Variants in PRKDC observed in about 807,000 individuals in gnomAD.
PRKDC encodes DNA-dependent protein kinase catalytic subunit.
A neutral mutation model predicts 486.9 loss-of-function variants in PRKDC; 82 were observed. That is an observed-to-expected ratio of 0.17 (90% CI 0.14 to 0.20). The LOEUF is 0.20. Ranked by LOEUF, PRKDC falls within the 10% of genes least tolerant of loss-of-function variation. The pLI, the probability that PRKDC is intolerant of heterozygous loss-of-function variation, is 1.00. For missense variants in PRKDC, 4,504 were observed against 5,038.2 expected (o/e 0.89, Z 3.21); for synonymous variants, 1,895 against 1,837.0 (o/e 1.03, Z -0.81).
intron 40 of PRKDC, among the ~76,000 whole-genome samples, chr8:47,871,282 C>G (rs996345514): frequency 1.1e-4 from 17 of 152,080 alleles, no homozygotes; most frequent in Non-Finnish European, 2.4e-4. Context: ...TACCTCAAGG[C>G]ATTTAACAAG....
intron 22 of PRKDC, among the ~76,000 whole-genome samples, chr8:47,917,173 T>C (rs1001004884): frequency 2.0e-5 from 3 of 152,140 alleles, no homozygotes; most frequent in African/African-American, 7.2e-5. Context: ...GAGGATCACT[T>C]GAGCCTGGGA....
In PRKDC at chr8:47,859,650, G is replaced by A; in HGVS notation, c.6168C>T (p.Ser2056=). 6.2e-7 allele frequency: 1 copy of A among 1,613,886 alleles called. No homozygotes were observed. The highest frequency in any genetic ancestry group is 8.5e-7 in the Non-Finnish European group (1 of 1,179,840). The change falls in exon 46 of 86, where the codon TCC becomes TCT. Residue 2056 remains serine (S), a synonymous_variant. Coordinates refer to ENST00000314191, the MANE Select transcript of PRKDC (RefSeq NM_006904.7). ...STGVQSYSYS[S]QDPRPATGRF... ...GACCAGTGGCAGGTCTAGGGTCTTGGGAGCTGTATGAATAGCTCTGAACTC... is the reference window on the plus strand; with the variant it reads ...GACCAGTGGCAGGTCTAGGGTCTTGAGAGCTGTATGAATAGCTCTGAACTC...
At chr8:47,918,473 A>T (rs1384390322) in intron 21 of PRKDC, 90 bp from the exon 22 acceptor site, 3 of 679,368 alleles carry the variant, frequency 4.4e-6, no homozygotes, top group East Asian at 3.2e-5. Context: ...TGTCAAATAG[A>T]AACATTAAAA....
intron 65 of PRKDC, 42 bp downstream of exon 65, chr8:47,821,562 T>G: frequency 1.3e-6 from 2 of 1,530,144 alleles, no homozygotes; most frequent in South Asian, 1.2e-5. Context: ...AAAACACCTA[T>G]CTAAAATAAT....
chr8:47,846,744 A>G (rs566475164), intron 54 of PRKDC, among the ~76,000 whole-genome samples: 16 of 152,326 alleles, frequency 1.1e-4, no homozygotes, highest in Admixed American at 3.3e-4. Context: ...ATGATTCTAT[A>G]CCCAGAAAAC....
rs1160862005 is a variant in PRKDC at position 47,826,701 on chromosome 8, T to A, written c.8738A>T (p.Lys2913Met). The change falls in exon 63 of 86, where the codon AAG becomes ATG. Residue 2913 changes from lysine (K) to methionine (M), a missense_variant. By Grantham distance (95) the Lys-to-Met change is moderately conservative. Coordinates refer to ENST00000314191, the MANE Select transcript of PRKDC (RefSeq NM_006904.7). ...AELPAKRVRGKARLPPDVLRW... is the reference protein window; with the variant it reads ...AELPAKRVRGMARLPPDVLRW... Reference sequence around the variant, plus strand: ...GAGGACATCAGGAGGGAGGCGGGCCTTCCCACGGACTCGCTTGGCAGGCAG... The same window carrying A: ...GAGGACATCAGGAGGGAGGCGGGCCATCCCACGGACTCGCTTGGCAGGCAG... 1 of 1,613,134 alleles carries A rather than the reference T, an allele frequency of 6.2e-7. No individual in the cohort carries two copies. The highest frequency in any genetic ancestry group is 1.3e-5 in the African/African-American group (1 of 74,938).
chr8:47,903,881 G>GCT (rs1216365611), intron 26 of PRKDC, among the ~76,000 whole-genome samples: 1 of 152,124 alleles, frequency 6.6e-6, no homozygotes, highest in Non-Finnish European at 1.5e-5. Context: ...AGGATTCACT[G>GCT]GTAGACACTG....
Position 47,912,532 on chromosome 8 carries a change from C to A in PRKDC, c.2812G>T (p.Val938Phe). ...GTGGCTTTGCCCAACATAAACATAA[C>A]CATGCTATGTAAAAGTTCACAGGCT... ...VAACELLHSM[V>F]MFMLGKATQM... The change falls in exon 25 of 86, where the codon GTT becomes TTT. Residue 938 changes from valine to phenylalanine, a missense_variant. By Grantham distance (50) the Val-to-Phe change is conservative. Around this residue, in one of 6 missense-constraint regions of PRKDC, gnomAD observed 1,969 missense variants for 2,068.9 expected, o/e 0.95. Transcript: ENST00000314191. 2 of 1,612,676 alleles carry A rather than the reference C, an allele frequency of 1.2e-6. No individual in the cohort carries two copies. Among genetic ancestry groups the A allele is most frequent in the Non-Finnish European group, 1.7e-6 (2 of 1,179,196 alleles).
At chr8:47,898,096 T>C (rs998629792) in intron 29 of PRKDC, among the ~76,000 whole-genome samples, 1 of 152,266 alleles carries the variant, frequency 6.6e-6, no homozygotes, top group South Asian at 2.1e-4. Flanking sequence ...AATGTTACTA[T>C]TTGAACATTC....
In PRKDC at chr8:47,902,588, T is replaced by A; in HGVS notation, c.3250A>T (p.Asn1084Tyr). ...ACAAACCTGAATTCCCTGTAGATAT[T>A]ATTAAAGGCAAGTGATGCTCCCAGC... The part of the protein sequence containing the change: ...KRLGASLAFN[N>Y]IYREFREEES... Residue 1084 changes from asparagine (N) to tyrosine (Y), a missense_variant, in exon 27 of 86, where the codon AAT (asparagine) becomes TAT (tyrosine). Transcript: ENST00000314191. 6.3e-7 allele frequency: 1 copy of A among 1,589,156 alleles called. No homozygotes were observed. The highest frequency in any genetic ancestry group is 8.5e-7 in the Non-Finnish European group (1 of 1,169,840).
chr8:47,933,219 G>A (rs545513052), intron 15 of PRKDC, 47 bp from the exon 16 acceptor site: 3 of 1,382,174 alleles, frequency 2.2e-6, no homozygotes, highest in East Asian at 2.7e-5. Context: ...GTGCAAAAAT[G>A]TATTAGTATT....
At chr8:47,889,336 G>T (rs2089406654) in intron 32 of PRKDC, 114 bp from the exon 33 acceptor site, 2 of 862,014 alleles carry the variant, frequency 2.3e-6, no homozygotes, top group East Asian at 5.3e-5. Context: ...GGTGGGCAGA[G>T]TTTCTCTGTA....
Position 47,834,207 on chromosome 8 carries a change from T to A in PRKDC, c.8141A>T (p.Asn2714Ile). The A allele has an allele frequency of 6.2e-7, 1 of 1,614,066 alleles. No homozygotes were observed. The highest frequency in any genetic ancestry group is 1.1e-5 in the South Asian group (1 of 91,088). ...RLGLPGDEVD[N>I]KVKGAAGRTD... ...GCAACCCAGCTTACCTTTCACTTTGTTATCCACCTCGTCCCCTGGAAGGCC... is the reference window on the plus strand; with the variant it reads ...GCAACCCAGCTTACCTTTCACTTTGATATCCACCTCGTCCCCTGGAAGGCC... The change falls in exon 59 of 86, where the codon AAC becomes ATC. Residue 2714 changes from asparagine to isoleucine, a missense_variant. This residue lies in a region of PRKDC where 1,592 missense variants were observed against 1,724.6 expected (regional missense o/e 0.92). Transcript: ENST00000314191.
At chr8:47,876,117 A>G (rs1410819175) in intron 40 of PRKDC, among the ~76,000 whole-genome samples, 1 of 152,214 alleles carries the variant, frequency 6.6e-6, no homozygotes, top group Non-Finnish European at 1.5e-5. Context: ...ATGGCAGTCA[A>G]CTGTAAATGG....
chr8:47,844,767 C>T (rs1487064713), intron 54 of PRKDC, among the ~76,000 whole-genome samples: 1 of 152,106 alleles, frequency 6.6e-6, no homozygotes, highest in African/African-American at 2.4e-5. Context: ...AAAAATTAAA[C>T]AACCTACTCC....
intron 20 of PRKDC, 55 bp from the exon 21 acceptor site, chr8:47,927,408 G>T: frequency 6.6e-7 from 1 of 1,524,020 alleles, no homozygotes; most frequent in Admixed American, 2.2e-5. Context: ...AAGATTTAGA[G>T]GAAAAAAACA....
intron 41 of PRKDC, among the ~76,000 whole-genome samples, chr8:47,864,302 G>A (rs2088751685): frequency 6.6e-6 from 1 of 152,174 alleles, no homozygotes; most frequent in African/African-American, 2.4e-5. Flanking sequence ...GCGTGGCCCT[G>A]ACAACACTGT....
At chr8:47,959,834 C>T in intron 1 of PRKDC, 139 bp downstream of exon 1, 1 of 1,398,482 alleles carries the variant, frequency 7.2e-7, no homozygotes, top group South Asian at 1.5e-5. Flanking sequence ...TATACACATA[C>T]ACAGAAATTC....
chr8:47,895,768 T>C (rs1589773546), intron 30 of PRKDC, among the ~76,000 whole-genome samples: 2 of 152,114 alleles, frequency 1.3e-5, no homozygotes, highest in Non-Finnish European at 1.5e-5. Context: ...AGGCCAGGCG[T>C]GGTAGCTCAC....
Sources: allele counts gnomAD v4.1 joint callset (sites outside exome capture counted in the v4.1 genomes callset), GRCh38; gene constraint gnomAD v4.1.1; regional missense constraint gnomAD v4.1.1; transcripts MANE v1.5; gene names NCBI Gene and HGNC (gene_info 2026-07-23, HGNC 2026-07-21).